BBS12: variants seen among roughly 807,000 people sequenced by gnomAD.
The protein encoded by BBS12 is chaperonin-containing T-complex member BBS12.
In BBS12, 5 loss-of-function variants were observed where a neutral mutation model predicts 5.6. That is an observed-to-expected ratio of 0.89 (90% CI 0.46 to 1.86). The LOEUF (loss-of-function observed/expected upper bound fraction) is 1.86, where lower values mean the gene tolerates loss of function less well. Among genes scored for constraint, BBS12 ranks in the 40% most tolerant of loss-of-function variants. The probability of loss-of-function intolerance (pLI) is 0.01; values close to 1 mark genes in which losing one functional copy is unlikely to be tolerated. For synonymous variants in BBS12, 308 were observed against 306.8 expected (o/e 1.00, Z -0.04); for missense variants, 748 against 830.4 (o/e 0.90, Z 1.22).
In BBS12 at chr4:122,742,136, A is replaced by G. The variant is rs1439664456; in HGVS notation, c.244A>G (p.Arg82Gly). 6.2e-7 allele frequency: 1 copy of G among 1,614,124 alleles called. No homozygotes were observed. The highest frequency in any genetic ancestry group is 1.7e-5 in the Admixed American group (1 of 60,034). ...EAVQAQNNTY[R>G]TGISTLLFLV... Reference sequence around the variant, plus strand: ...AGTTCAAGCACAAAACAACACATATAGAACTGGAATCAGTACTCTTTTGTT... The same window carrying G: ...AGTTCAAGCACAAAACAACACATATGGAACTGGAATCAGTACTCTTTTGTT... The change falls in exon 2 of 2, where the codon AGA (arginine) becomes GGA (glycine). Residue 82 changes from arginine to glycine, a missense_variant. By Grantham distance (125) the Arg-to-Gly change is moderately radical. Transcript: ENST00000314218.
the BBS12 span, among the ~76,000 whole-genome samples, chr4:122,714,183 TTCTC>T: frequency 6.6e-6 from 1 of 152,014 alleles, no homozygotes; most frequent in African/African-American, 2.4e-5. Flanking sequence ...AGAGATCTCA[TTCTC>T]TCTCTCTTTC....
the BBS12 span, among the ~76,000 whole-genome samples, chr4:122,711,091 T>C: frequency 6.6e-6 from 1 of 152,204 alleles, no homozygotes; most frequent in African/African-American, 2.4e-5. Context: ...GTCTACATGA[T>C]TGAAACATAC....
chr4:122,722,373 G>A, the BBS12 span, among the ~76,000 whole-genome samples: 1 of 152,122 alleles, frequency 6.6e-6, no homozygotes, highest in African/African-American at 2.4e-5. Flanking sequence ...CCTGTGCTTT[G>A]GTTGTGCATT....
At chr4:122,714,685 G>A in the BBS12 span, among the ~76,000 whole-genome samples, 2 of 151,814 alleles carry the variant, frequency 1.3e-5, no homozygotes, top group African/African-American at 4.8e-5. Context: ...CTAACTTCCT[G>A]TAAAGAAACA....
rs1406054211 is a variant in BBS12 at position 122,744,761 on chromosome 4, GAC to G, written c.*740_*741del. ...TAGCAATTAATGCAGGCTATTATCA[GAC>G]ACAGCAGCAGGATGAAGCCAACCTG... On this transcript the variant is annotated 3_prime_UTR_variant, in exon 2 of 2. Transcript: ENST00000314218. 4 of 167,120 alleles carry G rather than the reference GAC, an allele frequency of 2.4e-5. No homozygotes were observed. 10.4% of individuals were successfully genotyped at this position (167,120 alleles called of 1,614,324 possible).
At chr4:122,719,037 T>G in the BBS12 span, among the ~76,000 whole-genome samples, 1 of 152,114 alleles carries the variant, frequency 6.6e-6, no homozygotes, top group African/African-American at 2.4e-5. Flanking sequence ...GCCAGGATGG[T>G]CTCGATCTCC....
intron 1 of BBS12, among the ~76,000 whole-genome samples, chr4:122,734,940 A>G (rs970155815): frequency 8.6e-5 from 13 of 151,864 alleles, no homozygotes; most frequent in African/African-American, 3.2e-4. Context: ...AATCTCCCAA[A>G]TGTATTTAAT....
chr4:122,739,796 C>G (rs1800838770), intron 1 of BBS12, among the ~76,000 whole-genome samples: 2 of 152,242 alleles, frequency 1.3e-5, no homozygotes, highest in African/African-American at 2.4e-5. Flanking sequence ...CAAGCTGTCT[C>G]TCCCCTACAT....
intron 1 of BBS12, among the ~76,000 whole-genome samples, chr4:122,737,459 C>T (rs752591506): frequency 2.0e-5 from 3 of 152,204 alleles, no homozygotes; most frequent in Non-Finnish European, 4.4e-5. Flanking sequence ...TTTTCCACAT[C>T]ACTAAAATAG....
chr4:122,734,558 G>A (rs1298392357), intron 1 of BBS12, among the ~76,000 whole-genome samples: 2 of 152,074 alleles, frequency 1.3e-5, no homozygotes, highest in Non-Finnish European at 2.9e-5. Context: ...GAGCAACTGC[G>A]CCCGGCCATA....
At chr4:122,713,950 A>C in the BBS12 span, among the ~76,000 whole-genome samples, 1 of 152,190 alleles carries the variant, frequency 6.6e-6, no homozygotes, top group Admixed American at 6.5e-5. Flanking sequence ...ATAATTTGGA[A>C]ATACCTAGAA....
the BBS12 span, among the ~76,000 whole-genome samples, chr4:122,709,127 G>A: frequency 8.4e-4 from 128 of 152,150 alleles, no homozygotes; most frequent in Middle Eastern, 6.8e-3. Context: ...GTAACATAGG[G>A]ACGATATTAC....
chr4:122,711,359 G>GA, the BBS12 span, among the ~76,000 whole-genome samples: 326 of 135,048 alleles, frequency 2.4e-3, 1 homozygote, highest in East Asian at 4.0e-3. Context: ...ATCCTGATTG[G>GA]AAAAAAAAAA....
At chr4:122,718,995 A>G in the BBS12 span, among the ~76,000 whole-genome samples, 3 of 151,536 alleles carry the variant, frequency 2.0e-5, no homozygotes, top group African/African-American at 7.3e-5. Context: ...AATTTTTTAT[A>G]TTTTTCGTAG....
intron 1 of BBS12, among the ~76,000 whole-genome samples, chr4:122,737,157 A>T (rs1486803305): frequency 6.6e-6 from 1 of 152,186 alleles, no homozygotes; most frequent in African/African-American, 2.4e-5. Context: ...CTTGTGATTT[A>T]AGCATAGTAT....
At chr4:122,702,009 G>T in the BBS12 span, among the ~76,000 whole-genome samples, 31 of 152,056 alleles carry the variant, frequency 2.0e-4, no homozygotes, top group African/African-American at 7.5e-4. Context: ...TCTCCCCAAA[G>T]CTCATGGAAA....
chr4:122,704,686 T>G, the BBS12 span, among the ~76,000 whole-genome samples: 2 of 152,236 alleles, frequency 1.3e-5, no homozygotes, highest in Non-Finnish European at 1.5e-5. Flanking sequence ...GTTTGGCTTT[T>G]GATCAGCCAA....
the BBS12 span, among the ~76,000 whole-genome samples, chr4:122,712,311 A>C: frequency 6.6e-6 from 1 of 152,224 alleles, no homozygotes; most frequent in Non-Finnish European, 1.5e-5. Context: ...TAGATTTGAT[A>C]TTAAGGAAGC....
the BBS12 span, among the ~76,000 whole-genome samples, chr4:122,716,569 A>AC: frequency 5.4e-5 from 8 of 149,018 alleles, no homozygotes; most frequent in Admixed American, 1.3e-4. Context: ...ATGTATATAT[A>AC]AACATATGTA....
Sources: gnomAD v4.1 joint callset for allele counts (sites outside exome capture counted in the v4.1 genomes callset) on GRCh38, gnomAD v4.1.1 for gene constraint, MANE v1.5 for transcripts, NCBI Gene and HGNC (gene_info 2026-07-23, HGNC 2026-07-21) for gene names.